The following EEIG2 variants were observed in gnomAD, a reference collection of about 807,000 sequenced individuals.
The protein encoded by EEIG2 is family with sequence similarity 102 member B.
the EEIG2 span, among the ~76,000 whole-genome samples, chr1:108,597,529 T>C: frequency 1.3e-5 from 2 of 152,168 alleles, no homozygotes; most frequent in Admixed American, 6.5e-5. Context: ...TCCAAAACAG[T>C]TTTTGATCAA....
chr1:108,620,410 T>C, the EEIG2 span, among the ~76,000 whole-genome samples: 1 of 152,186 alleles, frequency 6.6e-6, no homozygotes, highest in Non-Finnish European at 1.5e-5. Flanking sequence ...CCCTAAACTT[T>C]ATTGCATAGT....
the EEIG2 span, among the ~76,000 whole-genome samples, chr1:108,616,107 A>C: frequency 6.8e-6 from 1 of 146,178 alleles, no homozygotes; most frequent in East Asian, 2.0e-4. Context: ...TTGAATATTG[A>C]ATATAACCCA....
At chr1:108,593,321 A>G in the EEIG2 span, among the ~76,000 whole-genome samples, 1 of 152,190 alleles carries the variant, frequency 6.6e-6, no homozygotes, top group African/African-American at 2.4e-5. Context: ...GAATCTAATC[A>G]TCATCATGAC....
chr1:108,568,204 G>T, the EEIG2 span, among the ~76,000 whole-genome samples: 1 of 152,070 alleles, frequency 6.6e-6, no homozygotes, highest in East Asian at 1.9e-4. Flanking sequence ...CCAGCATTTT[G>T]TAAATATTGA....
the EEIG2 span, chr1:108,626,742 C>G: frequency 6.6e-6 from 1 of 152,162 alleles, no homozygotes; most frequent in East Asian, 1.9e-4. Context: ...CTTTCTAGCC[C>G]CTTTTCCCTC....
chr1:108,581,577 A>C, the EEIG2 span, among the ~76,000 whole-genome samples: 142 of 152,304 alleles, frequency 9.3e-4, no homozygotes, highest in African/African-American at 3.3e-3. Flanking sequence ...TTCGGTCCTC[A>C]TGGATGACTT....
the EEIG2 span, chr1:108,560,554 C>G: frequency 1.9e-6 from 3 of 1,610,910 alleles, no homozygotes; most frequent in Non-Finnish European, 2.5e-6. Flanking sequence ...GCTTCACCGC[C>G]GAGTCCTCCA....
At chr1:108,563,218 G>A in the EEIG2 span, among the ~76,000 whole-genome samples, 1 of 152,170 alleles carries the variant, frequency 6.6e-6, no homozygotes, top group Non-Finnish European at 1.5e-5. Flanking sequence ...TGCCTAGACT[G>A]TACGGAGTGG....
chr1:108,630,148 T>A, the EEIG2 span, among the ~76,000 whole-genome samples: 1 of 152,216 alleles, frequency 6.6e-6, no homozygotes, highest in Non-Finnish European at 1.5e-5. Context: ...ATCGCTAGTC[T>A]GATAATTTAG....
chr1:108,597,250 T>A, the EEIG2 span, among the ~76,000 whole-genome samples: 2 of 152,190 alleles, frequency 1.3e-5, no homozygotes, highest in African/African-American at 4.8e-5. Flanking sequence ...GCTGGTTGGA[T>A]TCCCCAGAGA....
chr1:108,634,840 C>T, the EEIG2 span, among the ~76,000 whole-genome samples: 1 of 152,142 alleles, frequency 6.6e-6, no homozygotes, highest in Non-Finnish European at 1.5e-5. Flanking sequence ...TTCTTGCCAC[C>T]ATTTGTCGAT....
At chr1:108,635,214 ATT>A in the EEIG2 span, 2 of 1,588,104 alleles carry the variant, frequency 1.3e-6, no homozygotes, top group Non-Finnish European at 1.7e-6. Context: ...GTATCAAGGC[ATT>A]TTATTCAAGC....
At chr1:108,579,794 A>AGAGAGAGAGAGAGAGAGAGAGAGAGG in the EEIG2 span, among the ~76,000 whole-genome samples, 4 of 150,278 alleles carry the variant, frequency 2.7e-5, no homozygotes, top group African/African-American at 9.8e-5. Flanking sequence ...AGAGAGAGAG[A>AGAGAGAGAGAGAGAGAGAGAGAGAGG]GAAAGAAACC....
At chr1:108,587,067 G>A in the EEIG2 span, among the ~76,000 whole-genome samples, 1 of 152,082 alleles carries the variant, frequency 6.6e-6, no homozygotes, top group Non-Finnish European at 1.5e-5. Context: ...GTACCTGGGT[G>A]ATAGTTTTTT....
the EEIG2 span, among the ~76,000 whole-genome samples, chr1:108,588,627 G>A: frequency 8.6e-5 from 13 of 151,322 alleles, no homozygotes; most frequent in Admixed American, 1.3e-4. Context: ...GATACTTGAT[G>A]TTTTTTGTGG....
chr1:108,638,492 C>T, the EEIG2 span: 3 of 152,256 alleles, frequency 2.0e-5, no homozygotes, highest in Admixed American at 2.0e-4. Flanking sequence ...TAAGTACATA[C>T]TCTGAAGTGT....
At chr1:108,628,335 G>T in the EEIG2 span, 1 of 1,610,922 alleles carries the variant, frequency 6.2e-7, no homozygotes, top group African/African-American at 1.3e-5. Context: ...GTGGGGGAAC[G>T]ATGTCAGATT....
the EEIG2 span, chr1:108,606,243 T>A: frequency 6.4e-7 from 1 of 1,566,826 alleles, no homozygotes; most frequent in Non-Finnish European, 8.7e-7. Flanking sequence ...GTGGAAAAGC[T>A]TATGCAAAGG....
the EEIG2 span, among the ~76,000 whole-genome samples, chr1:108,588,126 G>A: frequency 1.8e-4 from 28 of 152,050 alleles, no homozygotes; most frequent in East Asian, 1.7e-3. Flanking sequence ...GGACATTTAC[G>A]TTGTTTCCAT....
Sources: allele counts gnomAD v4.1 joint callset (sites outside exome capture counted in the v4.1 genomes callset), GRCh38; gene constraint gnomAD v4.1.1; transcripts MANE v1.5; gene names NCBI Gene and HGNC (gene_info 2026-07-23, HGNC 2026-07-21).